URI1: variants seen among roughly 807,000 people sequenced by gnomAD.
URI1 encodes unconventional prefoldin RPB5 interactor 1.
A neutral mutation model predicts 60.2 loss-of-function variants in URI1; 39 were observed. The ratio of observed to expected loss-of-function variants is 0.65; its 90% confidence interval spans 0.50 to 0.85. The LOEUF (loss-of-function observed/expected upper bound fraction) is 0.85, where lower values mean the gene tolerates loss of function less well. Ranked by LOEUF, URI1 falls within the 40% of genes least tolerant of loss-of-function variation. The pLI, the probability that URI1 is intolerant of heterozygous loss-of-function variation, is 0.00. For missense variants in URI1, 691 were observed against 665.9 expected (o/e 1.04, Z -0.42); for synonymous variants, 251 against 236.8 (o/e 1.06, Z -0.55).
chr19:29,974,518 A>G (rs576386163), intron 2 of URI1, among the ~76,000 whole-genome samples: 17 of 152,316 alleles, frequency 1.1e-4, no homozygotes, highest in Non-Finnish European at 1.9e-4. Flanking sequence ...TTTGATAATC[A>G]TCAACTCATG....
chr19:29,964,805 A>G (rs972978991), intron 1 of URI1, among the ~76,000 whole-genome samples: 5 of 151,108 alleles, frequency 3.3e-5, no homozygotes, highest in East Asian at 1.9e-4. Flanking sequence ...TTAATGCTAA[A>G]TAAGATTGCT....
At chr19:29,950,200 C>A (rs534294571) in intron 1 of URI1, among the ~76,000 whole-genome samples, 1 of 12,926 alleles carries the variant, frequency 7.7e-5, no homozygotes, top group Non-Finnish European at 1.4e-4. Flanking sequence ...AGGAAAAAAC[C>A]CATTTCATTG....
intron 1 of URI1, chr19:29,956,521 GAATTTGA>G: frequency 6.4e-7 from 1 of 1,567,178 alleles, no homozygotes; most frequent in Non-Finnish European, 8.7e-7. Context: ...CAAAGCTGCT[GAATTTGA>G]AACAAGCTCA....
intron 1 of URI1, among the ~76,000 whole-genome samples, chr19:29,966,964 G>C (rs1321715052): frequency 6.6e-6 from 1 of 152,176 alleles, no homozygotes; most frequent in Admixed American, 6.5e-5. Flanking sequence ...AAGTACTCTT[G>C]ACCTTTTAGG....
chr19:30,009,881 G>A (rs2055995924), intron 8 of URI1, among the ~76,000 whole-genome samples: 1 of 152,094 alleles, frequency 6.6e-6, no homozygotes, highest in African/African-American at 2.4e-5. Context: ...TTTTAGAGCT[G>A]GGGGTGACTG....
intron 1 of URI1, 137 bp from the exon 2 acceptor site, chr19:29,971,056 G>A: frequency 2.5e-6 from 2 of 790,478 alleles, no homozygotes; most frequent in South Asian, 1.6e-5. Context: ...ACATCTCTGT[G>A]CATTTGACAA....
chr19:29,942,107 G>A (rs755379972), upstream of URI1: 3 of 548,342 alleles, frequency 5.5e-6, no homozygotes, highest in Non-Finnish European at 7.0e-6. Context: ...ACGCAGCCCA[G>A]CGCGGACACC....
chr19:29,934,334 C>T (rs2054949719), intron 1 of URI1, among the ~76,000 whole-genome samples: 1 of 152,116 alleles, frequency 6.6e-6, no homozygotes, highest in African/African-American at 2.4e-5. Context: ...TTTGCTAGGG[C>T]CATGATAACA....
chr19:29,924,542 C>T (rs2054849278), intron 1 of URI1, among the ~76,000 whole-genome samples: 2 of 152,218 alleles, frequency 1.3e-5, no homozygotes, highest in South Asian at 4.1e-4. Flanking sequence ...TTCCCTCCCT[C>T]CCACTGTGAG....
intron 2 of URI1, among the ~76,000 whole-genome samples, chr19:29,978,699 G>A (rs142451873): frequency 9.2e-5 from 14 of 152,138 alleles, no homozygotes; most frequent in African/African-American, 3.4e-4. Flanking sequence ...GGGTATCAGT[G>A]TAAGACCTGA....
rs186601646 is a variant in URI1 at position 30,007,405 on chromosome 19, A to G, written c.518-65A>G. ...CTTGCCCCAAAAGAAAGTCTCATTA[A>G]GTCTGGGTTTGTGCCTTTTTTATGT... is the stretch of plus-strand genomic sequence containing the variant. On this transcript the variant is annotated intron_variant, in intron 6 of 10. Coordinates refer to ENST00000392271, the MANE Select transcript of URI1 (RefSeq NM_003796.3). 2.6e-4 allele frequency: 404 copies of G among 1,543,480 alleles called. 1 individual carries two copies. The African/African-American group carries it at 5.0e-3, about 19-fold the overall frequency.
At chr19:29,987,315 T>C (rs1355973986) in intron 4 of URI1, among the ~76,000 whole-genome samples, 5 of 152,226 alleles carry the variant, frequency 3.3e-5, no homozygotes, top group East Asian at 1.9e-4. Flanking sequence ...ATTTCACTTA[T>C]ACATGAATGA....
intron 4 of URI1, among the ~76,000 whole-genome samples, chr19:30,004,128 T>C (rs2055910880): frequency 6.6e-6 from 1 of 152,078 alleles, no homozygotes; most frequent in Admixed American, 6.6e-5. Flanking sequence ...TTTGCTGCCG[T>C]GAGAAAAGGT....
chr19:29,993,993 T>TA (rs1163621679), intron 4 of URI1, among the ~76,000 whole-genome samples: 1 of 152,176 alleles, frequency 6.6e-6, no homozygotes, highest in Non-Finnish European at 1.5e-5. Flanking sequence ...CCTTTACTGA[T>TA]AGGCCTTTAG....
At chr19:29,938,725 G>GGAGTGCAGTGGCAC (rs1247700899), upstream of URI1, among the ~76,000 whole-genome samples, 3 of 151,856 alleles carry the variant, frequency 2.0e-5, no homozygotes, top group Non-Finnish European at 4.4e-5. Context: ...CACCCAGGCT[G>GGAGTGCAGTGGCAC]GAGTGCAGTG....
intron 2 of URI1, among the ~76,000 whole-genome samples, chr19:29,984,262 C>T (rs2055633774): frequency 6.6e-6 from 1 of 152,036 alleles, no homozygotes; most frequent in Non-Finnish European, 1.5e-5. Flanking sequence ...AACCTAATCT[C>T]TATGGAAGAT....
At chr19:29,948,815 G>A (rs1436212302) in intron 1 of URI1, among the ~76,000 whole-genome samples, 2 of 152,028 alleles carry the variant, frequency 1.3e-5, no homozygotes, top group African/African-American at 4.8e-5. Context: ...CGACAAAACC[G>A]CCATCGTCAT....
intron 2 of URI1, among the ~76,000 whole-genome samples, chr19:29,974,070 C>G (rs1002643973): frequency 1.3e-5 from 2 of 152,052 alleles, no homozygotes; most frequent in Non-Finnish European, 2.9e-5. Context: ...AAGAGCATGG[C>G]ATTTGGAGTC....
chr19:29,940,241 G>A (rs1385950980), upstream of URI1, among the ~76,000 whole-genome samples: 1 of 152,094 alleles, frequency 6.6e-6, no homozygotes, highest in Non-Finnish European at 1.5e-5. Context: ...TCTGAGTACT[G>A]GAGTGTCTAG....
Sources: gnomAD v4.1 joint callset for allele counts (sites outside exome capture counted in the v4.1 genomes callset) on GRCh38, gnomAD v4.1.1 for gene constraint, MANE v1.5 for transcripts, NCBI Gene and HGNC (gene_info 2026-07-23, HGNC 2026-07-21) for gene names.